The following ARHGAP8 variants were observed in gnomAD, a reference collection of about 807,000 sequenced individuals.
ARHGAP8 encodes Rho GTPase activating protein 8.
A neutral mutation model predicts 46.1 loss-of-function variants in ARHGAP8; 62 were observed. The observed-to-expected ratio is 1.34, with a 90% CI of 1.10 to 1.66. ARHGAP8 has a LOEUF of 1.66. Ranked by LOEUF, ARHGAP8 falls within the 40% of genes most tolerant of loss-of-function variation. The probability of loss-of-function intolerance (pLI) is 0.00; values close to 1 mark genes in which losing one functional copy is unlikely to be tolerated. For synonymous variants in ARHGAP8, 375 were observed against 243.1 expected, an observed-to-expected ratio of 1.54 and a Z score of -5.05; for missense variants, 923 against 568.4, an observed-to-expected ratio of 1.62 and a Z score of -6.34.
chr22:44,810,351 C>A (rs1271526205), intron 4 of ARHGAP8, among the ~76,000 whole-genome samples: 2 of 150,972 alleles, frequency 1.3e-5, no homozygotes, highest in African/African-American at 4.9e-5. Context: ...AAGTGATTCT[C>A]CTGCCTCAGC....
intron 10 of ARHGAP8, among the ~76,000 whole-genome samples, chr22:44,858,740 GTCTCAGAGT>G (rs2070322359): frequency 6.9e-5 from 9 of 130,754 alleles, no homozygotes; most frequent in East Asian, 2.1e-4. Flanking sequence ...TAACTGGGGG[GTCTCAGAGT>G]GGGGGCCAGT....
intron 10 of ARHGAP8, among the ~76,000 whole-genome samples, chr22:44,853,500 C>A (rs1009644626): frequency 2.6e-5 from 4 of 152,272 alleles, no homozygotes; most frequent in African/African-American, 9.6e-5. Context: ...CGCAAGCGTG[C>A]GCCGTAGTTT....
At chr22:44,780,442 T>A (rs1488344971) in intron 1 of ARHGAP8, among the ~76,000 whole-genome samples, 1 of 152,004 alleles carries the variant, frequency 6.6e-6, no homozygotes, top group Non-Finnish European at 1.5e-5. Flanking sequence ...GGGTGGACCA[T>A]CTGAGGTCAG....
At chr22:44,860,232 A>C (rs1264370161) in intron 11 of ARHGAP8, among the ~76,000 whole-genome samples, 1 of 152,082 alleles carries the variant, frequency 6.6e-6, no homozygotes, top group Non-Finnish European at 1.5e-5. Flanking sequence ...TACACCCAGA[A>C]CCACGTACAT....
chr22:44,791,733 G>A (rs550852005), intron 2 of ARHGAP8, among the ~76,000 whole-genome samples: 263 of 152,058 alleles, frequency 1.7e-3, no homozygotes, highest in South Asian at 4.0e-3. Context: ...AATACCCCCA[G>A]CTTCTTGAGA....
intron 3 of ARHGAP8, among the ~76,000 whole-genome samples, chr22:44,805,894 C>G (rs771514861): frequency 2.0e-5 from 3 of 152,174 alleles, no homozygotes; most frequent in African/African-American, 7.2e-5. Flanking sequence ...GTCTTTGAAA[C>G]CCAACTAGTA....
At chr22:44,838,283 A>C (rs969571554) in intron 7 of ARHGAP8, among the ~76,000 whole-genome samples, 2 of 151,982 alleles carry the variant, frequency 1.3e-5, no homozygotes, top group African/African-American at 4.8e-5. Context: ...GATTACAGGC[A>C]CGTGCCACCA....
chr22:44,806,828 G>C (rs1602203544), intron 3 of ARHGAP8, among the ~76,000 whole-genome samples: 1 of 152,102 alleles, frequency 6.6e-6, no homozygotes, highest in Middle Eastern at 3.4e-3. Context: ...GCCGGGCGTG[G>C]TGGCAGGCGC....
At chr22:44,849,414 C>G (rs1345443855) in intron 10 of ARHGAP8, 2 of 239,658 alleles carry the variant, frequency 8.3e-6, no homozygotes, top group Admixed American at 6.9e-5. Context: ...ACCCTCAGCT[C>G]TCTCATCTAG....
chr22:44,804,271 C>T (rs920878833), intron 3 of ARHGAP8, among the ~76,000 whole-genome samples: 3 of 152,170 alleles, frequency 2.0e-5, no homozygotes, highest in Non-Finnish European at 4.4e-5. Flanking sequence ...TTTCATAAGG[C>T]GGCCACCGAG....
chr22:44,862,597 G>T lies in ARHGAP8; in HGVS notation c.*2G>T, dbSNP rs778097052. The T allele has an allele frequency of 1.9e-6, 3 of 1,564,298 alleles. No homozygotes were observed. Among genetic ancestry groups the T allele is most frequent in the African/African-American group, 2.7e-5 (2 of 72,764 alleles). Reference sequence around the variant, plus strand: ...ATGGCAGCCAGAAGACGTCTCTAGTGTTGCGAACACTCTGTATATTTCGAG... The same window carrying T: ...ATGGCAGCCAGAAGACGTCTCTAGTTTTGCGAACACTCTGTATATTTCGAG... On this transcript the variant is annotated 3_prime_UTR_variant, in exon 12 of 12. Transcript: ENST00000356099.
chr22:44,766,921 C>T (rs1186000259), intron 1 of ARHGAP8, among the ~76,000 whole-genome samples: 2 of 152,204 alleles, frequency 1.3e-5, no homozygotes, highest in South Asian at 2.1e-4. Flanking sequence ...GTGGGGCTGC[C>T]GCAGGTGGAG....
intron 1 of ARHGAP8, chr22:44,765,274 C>G (rs1233427760): frequency 1.3e-5 from 2 of 152,402 alleles, no homozygotes; most frequent in African/African-American, 4.8e-5. Flanking sequence ...TAGCTGTGTC[C>G]CTGTGCCCTG....
intron 2 of ARHGAP8, among the ~76,000 whole-genome samples, chr22:44,800,029 C>A (rs1232251665): frequency 1.2e-5 from 1 of 85,650 alleles, no homozygotes; most frequent in Non-Finnish European, 2.2e-5. Context: ...GCTGTGTCTG[C>A]AGGCACGGAG....
chr22:44,842,597 C>T (rs1470898337), intron 7 of ARHGAP8, among the ~76,000 whole-genome samples: 3 of 152,118 alleles, frequency 2.0e-5, no homozygotes, highest in African/African-American at 7.2e-5. Context: ...AGAGGAAAGT[C>T]CCTCATCCTA....
Position 44,859,795 on chromosome 22 carries a change from C to A in ARHGAP8, c.942C>A (p.Asn314Lys). Reference sequence around the variant, plus strand: ...TCTTACGGAGCCTCCCAGAGCACAACTACGTCGTCCTCCGCTACCTCATGG... The same window carrying A: ...TCTTACGGAGCCTCCCAGAGCACAAATACGTCGTCCTCCGCTACCTCATGG... ...RQILRSLPEH[N>K]YVVLRYLMGF... The change falls in exon 11 of 12, where the codon AAC (asparagine) becomes AAA (lysine). Residue 314 changes from asparagine to lysine, a missense_variant. Asn to Lys is a moderately conservative substitution (Grantham distance 94). Transcript: ENST00000356099. 1.2e-6 allele frequency: 2 copies of A among 1,614,078 alleles called. No homozygotes were observed. The highest frequency in any genetic ancestry group is 1.7e-6 in the Non-Finnish European group (2 of 1,180,028).
chr22:44,850,054 G>C (rs1398304717), intron 10 of ARHGAP8: 2 of 152,182 alleles, frequency 1.3e-5, no homozygotes, highest in Non-Finnish European at 2.9e-5. Context: ...TGCGGGCTTT[G>C]AGTGATGTGA....
chr22:44,861,715 G>A (rs1025266108), intron 11 of ARHGAP8, among the ~76,000 whole-genome samples: 1 of 152,138 alleles, frequency 6.6e-6, no homozygotes, highest in Non-Finnish European at 1.5e-5. Context: ...CATGACCTTG[G>A]GCAAGTCTCC....
chr22:44,859,234 CTT>C (rs2070344877), intron 10 of ARHGAP8, among the ~76,000 whole-genome samples: 1 of 151,474 alleles, frequency 6.6e-6, no homozygotes, highest in South Asian at 2.1e-4. Flanking sequence ...TGAATTGAAA[CTT>C]TGGAGGTGGG....
Sources: gnomAD v4.1 joint callset for allele counts (sites outside exome capture counted in the v4.1 genomes callset) on GRCh38, gnomAD v4.1.1 for gene constraint, MANE v1.5 for transcripts, NCBI Gene and HGNC (gene_info 2026-07-23, HGNC 2026-07-21) for gene names.